ACSF2: variants seen among roughly 807,000 people sequenced by gnomAD.
ACSF2 encodes the protein acyl-CoA synthetase family member 2, also known as medium-chain acyl-CoA ligase ACSF2, mitochondrial.
In ACSF2, 52 loss-of-function variants were observed where a neutral mutation model predicts 79.3. The ratio of observed to expected loss-of-function variants is 0.66; its 90% CI spans 0.53 to 0.83. The LOEUF (loss-of-function observed/expected upper bound fraction) is 0.83. ACSF2 is among the 40% of genes least tolerant of loss of function. ACSF2 has a pLI of 0.00. For missense variants in ACSF2, 661 were observed against 803.3 expected (o/e 0.82, Z 2.14); for synonymous variants, 283 against 312.6 (o/e 0.91, Z 1.00).
chr17:50,454,361 A>G (rs993343216), intron 1 of ACSF2, among the ~76,000 whole-genome samples: 3 of 151,866 alleles, frequency 2.0e-5, no homozygotes, highest in Non-Finnish European at 2.9e-5. Flanking sequence ...ATCCCAAAAT[A>G]AATAATTTAA....
In ACSF2 at chr17:50,463,669, G is replaced by A. The variant is rs2032491062; in HGVS notation, c.1046+117G>A. 1 of 1,509,534 alleles carries A rather than the reference G, an allele frequency of 6.6e-7. No homozygotes were observed. Among genetic ancestry groups the A allele is most frequent in the Admixed American group, 1.8e-5 (1 of 54,976 alleles). The allele number at this position is 1,509,534 out of a possible 1,614,324, so 93.5% of individuals were successfully genotyped here. On this transcript the variant is annotated intron_variant, in intron 8 of 15. Transcript: ENST00000300441. This position sits in a 1 kb window ranked among gnomAD's most constrained non-coding sequence, Gnocchi z 4.6. ...CTCCAGCCAGGAGACTGAGGATGGG[G>A]ACAGTGGAGGACCCCCAGGAGAGGA...
chr17:50,471,073 T>G lies in ACSF2; in HGVS notation c.1261T>G (p.Phe421Val), dbSNP rs1365387960. 3 of 1,613,892 alleles carry G rather than the reference T, an allele frequency of 1.9e-6. No homozygotes were observed. The highest frequency in any genetic ancestry group is 1.1e-5 in the South Asian group (1 of 91,034). ...TENSPVTFAH[F>V]PEDTVEQKAE... ...GAACAGTCCCGTGACATTCGCGCACTTCCCTGAGGACACTGTGGAGCAGAA... is the reference window on the plus strand; with the variant it reads ...GAACAGTCCCGTGACATTCGCGCACGTCCCTGAGGACACTGTGGAGCAGAA... Residue 421 changes from phenylalanine to valine, a missense_variant, in exon 11 of 16, where the codon TTC becomes GTC. Phe to Val is a conservative substitution (Grantham distance 50, BLOSUM62 -1). Coordinates refer to ENST00000300441, the MANE Select transcript of ACSF2 (RefSeq NM_025149.6). The surrounding 1 kb of genome is among the most constrained non-coding windows in gnomAD (Gnocchi z 4.1).
At chr17:50,458,586 C>T (rs2032153917) in intron 1 of ACSF2, among the ~76,000 whole-genome samples, 1 of 152,220 alleles carries the variant, frequency 6.6e-6, no homozygotes, top group African/African-American at 2.4e-5. Context: ...TCTAAACATA[C>T]ATTCATCATT....
intron 1 of ACSF2, among the ~76,000 whole-genome samples, chr17:50,444,794 C>T (rs999862385): frequency 2.6e-5 from 4 of 152,160 alleles, no homozygotes; most frequent in Admixed American, 1.3e-4. Context: ...GCACCTCTTC[C>T]TATGCTTACT....
chr17:50,469,241 C>T (rs2032975269), intron 10 of ACSF2, among the ~76,000 whole-genome samples: 1 of 152,248 alleles, frequency 6.6e-6, no homozygotes, highest in African/African-American at 2.4e-5. Flanking sequence ...TATTTGTTTG[C>T]TCAGGTTTGA....
chr17:50,427,027 G>T, intron 1 of ACSF2: 1 of 1,523,228 alleles, frequency 6.6e-7, no homozygotes, highest in East Asian at 2.5e-5. Context: ...GGAGGACCCC[G>T]TGAGATGGCA....
intron 10 of ACSF2, chr17:50,465,876 G>A (rs1326373571): frequency 1.1e-5 from 18 of 1,613,112 alleles, no homozygotes; most frequent in Non-Finnish European, 1.4e-5. Flanking sequence ...GAGAACTGGG[G>A]AGCAAGGTGG....
At chr17:50,446,690 A>ATTCTCCTGAC (rs1437452833) in intron 1 of ACSF2, among the ~76,000 whole-genome samples, 1 of 152,206 alleles carries the variant, frequency 6.6e-6, no homozygotes, top group African/African-American at 2.4e-5. Context: ...CCAACTGACC[A>ATTCTCCTGAC]TTCTCCTGAC....
intron 1 of ACSF2, among the ~76,000 whole-genome samples, chr17:50,438,299 T>G (rs1435348985): frequency 6.6e-6 from 1 of 152,236 alleles, no homozygotes; most frequent in Non-Finnish European, 1.5e-5. Flanking sequence ...AGATCTAAGA[T>G]ATTAGTTTTA....
intron 10 of ACSF2, chr17:50,469,205 G>A: frequency 4.6e-6 from 1 of 217,162 alleles, no homozygotes; most frequent in Non-Finnish European, 7.8e-6. Context: ...AGTTTACATC[G>A]GAGAGAGGGA....
At chr17:50,447,976 G>A (rs1432136311) in intron 1 of ACSF2, among the ~76,000 whole-genome samples, 1 of 152,244 alleles carries the variant, frequency 6.6e-6, no homozygotes, top group Admixed American at 6.5e-5. Flanking sequence ...TCAGAGTGTA[G>A]CCCTGCCACA....
At chr17:50,464,396 CCT>C (rs1022505309) in intron 10 of ACSF2, 102 bp downstream of exon 10, 12 of 1,191,652 alleles carry the variant, frequency 1.0e-5, no homozygotes, top group Non-Finnish European at 1.4e-5. Context: ...CAAAGGAGAC[CCT>C]CTCAGCCAGC....
Position 50,471,173 on chromosome 17 carries a change from G to A in ACSF2, c.1323+38G>A, listed in dbSNP as rs1205988917. 2.7e-5 allele frequency: 43 copies of A among 1,571,462 alleles called. No individual in the cohort carries two copies. The highest frequency in any genetic ancestry group is 5.4e-5 in the African/African-American group (4 of 74,018). ...CCAAGACTCCAAAGTCCCACCTCCC[G>A]TCACCCAGCTGGGGTGCACCCAGCT... On this transcript the variant is annotated intron_variant, in intron 11 of 15. Coordinates refer to ENST00000300441, the MANE Select transcript of ACSF2 (RefSeq NM_025149.6). This position sits in a 1 kb window ranked among gnomAD's most constrained non-coding sequence, Gnocchi z 4.1.
intron 10 of ACSF2, chr17:50,465,717 C>T: frequency 6.2e-7 from 1 of 1,613,174 alleles, no homozygotes; most frequent in South Asian, 1.1e-5. Context: ...CGCCGAAGGC[C>T]CCGGAGCTGG....
Position 50,448,656 on chromosome 17 carries a change from G to T in ACSF2, c.129-12021G>T, listed in dbSNP as rs192948603. Among the ~76,000 whole-genome samples the T allele has an allele frequency of 1.1e-3, 162 of 152,308 alleles. 1 individual carries two copies. Among genetic ancestry groups the T allele is most frequent in the Non-Finnish European group, 1.8e-3 (121 of 68,028 alleles). On this transcript the variant is annotated intron_variant, in intron 1 of 15. Transcript: ENST00000300441. ...AAGGATTTTTAAAGGTAAAATGAGG[G>T]TTACATATGTTGTCTTGAAACAATT... is the stretch of plus-strand genomic sequence containing the variant.
chr17:50,426,328 G>A lies in ACSF2; in HGVS notation c.67G>A (p.Ala23Thr). The change falls in exon 1 of 16, where the codon GCC becomes ACC. Residue 23 changes from alanine (A) to threonine (T), a missense_variant. Transcript: ENST00000300441. ...LCAGSSGVLG[A>T]RAALSRSWQE... ...CGCCGGGAGCTCGGGGGTGCTGGGG[G>A]CCCGGGCCGCCCTCTCTCGGAGTTG... 1.4e-6 allele frequency: 2 copies of A among 1,420,676 alleles called. No individual in the cohort carries two copies. The highest frequency in any genetic ancestry group is 1.9e-6 in the Non-Finnish European group (2 of 1,080,548). 88.0% of individuals were successfully genotyped at this position (1,420,676 alleles called of 1,614,324 possible).
chr17:50,465,191 G>A, intron 10 of ACSF2: 1 of 1,387,864 alleles, frequency 7.2e-7, no homozygotes, highest in Non-Finnish European at 9.9e-7. Context: ...AAAATGGAGG[G>A]TCTGCCTGAC....
chr17:50,453,630 T>C (rs778617008), intron 1 of ACSF2, among the ~76,000 whole-genome samples: 1 of 152,236 alleles, frequency 6.6e-6, no homozygotes, highest in Non-Finnish European at 1.5e-5. Flanking sequence ...ATCAATATCC[T>C]GGCTATAATA....
In ACSF2 at chr17:50,474,474, A is replaced by C. The variant is rs1435868370; in HGVS notation, c.1798-28A>C. On this transcript the variant is annotated intron_variant, in intron 15 of 15. Transcript: ENST00000300441. The surrounding 1 kb of genome is among the most constrained non-coding windows in gnomAD (Gnocchi z 4.2). ...TCTTGGGTGAACCAAGACAGCTGGT[A>C]ACCCTAACTCCATTTTCTTTCCTCT... is the stretch of plus-strand genomic sequence containing the variant. 2 of 1,612,082 alleles carry C rather than the reference A, an allele frequency of 1.2e-6. No homozygotes were observed. Among genetic ancestry groups the C allele is most frequent in the African/African-American group, 2.7e-5 (2 of 74,908 alleles).
Sources: gnomAD v4.1 joint callset for allele counts (sites outside exome capture counted in the v4.1 genomes callset) on GRCh38, gnomAD v4.1.1 for gene constraint, Gnocchi (gnomAD v3.1) non-coding constraint, MANE v1.5 for transcripts, NCBI Gene and HGNC (gene_info 2026-07-23, HGNC 2026-07-21) for gene names.